The following TRIP11 variants were observed in gnomAD, a reference collection of about 807,000 sequenced individuals.
TRIP11 encodes thyroid receptor-interacting protein 11.
In TRIP11, 148 loss-of-function variants were observed where a neutral mutation model predicts 223.1. That is an observed-to-expected ratio of 0.66 (90% CI 0.58 to 0.76). The LOEUF is 0.76. TRIP11 is among the 30% of genes least tolerant of loss of function. The pLI is 0.00. For missense variants in TRIP11, 2,043 were observed against 2,222.0 expected (o/e 0.92, Z 1.62); for synonymous variants, 762 against 772.6 (o/e 0.99, Z 0.23).
chr14:91,972,892 TAG>T (rs1275292822), intron 19 of TRIP11, 31 bp from the exon 20 acceptor site: 24 of 1,566,156 alleles, frequency 1.5e-5, no homozygotes, highest in Non-Finnish European at 2.0e-5. Context: ...TATATTAGGC[TAG>T]ATAATTAAGT....
At chr14:92,030,394 T>C (rs889222464) in intron 2 of TRIP11, 30 of 151,976 alleles carry the variant, frequency 2.0e-4, no homozygotes, top group Admixed American at 2.0e-3. Flanking sequence ...TTTATTTTTA[T>C]TTTTTATTTT....
At chr14:91,993,068 A>C (rs1447765295) in intron 15 of TRIP11, among the ~76,000 whole-genome samples, 1 of 151,596 alleles carries the variant, frequency 6.6e-6, no homozygotes, top group African/African-American at 2.4e-5. Flanking sequence ...ATAGAAAAAT[A>C]TTTTAAAGGA....
chr14:92,021,558 G>C lies in TRIP11; in HGVS notation c.586C>G (p.Gln196Glu), dbSNP rs149079426. 1.2e-6 allele frequency: 2 copies of C among 1,613,952 alleles called. No individual in the cohort carries two copies. Among genetic ancestry groups the C allele is most frequent in the Non-Finnish European group, 1.7e-6 (2 of 1,180,010 alleles). Residue 196 changes from glutamine (Q) to glutamate (E), a missense_variant and splice_region_variant, in exon 4 of 21, where the codon CAG becomes GAG. Coordinates refer to ENST00000267622, the MANE Select transcript of TRIP11 (RefSeq NM_004239.4). ...SEVGHWRHIA[Q>E]TSKAQGTDNS... is the part of the protein sequence containing the mutation. ...AACTCTAAAAAATTTTTATCTACCTGAGCAATATGCCTCCAATGGCCAACT... is the reference window on the plus strand; with the variant it reads ...AACTCTAAAAAATTTTTATCTACCTCAGCAATATGCCTCCAATGGCCAACT...
chr14:91,988,222 A>C (rs1228557456), intron 16 of TRIP11, 62 bp downstream of exon 16: 1 of 1,325,356 alleles, frequency 7.5e-7, no homozygotes, highest in Admixed American at 1.9e-5. Flanking sequence ...TTATGACAGA[A>C]GACTACATTT....
chr14:92,007,633 G>T lies in TRIP11; in HGVS notation c.1527+7C>A, dbSNP rs372704269. Reference sequence around the variant, plus strand: ...GTGCTGCCTTACTGTATTTAATACAGTGTTACCTTTGTAGCTTCTTGATTC... The same window carrying T: ...GTGCTGCCTTACTGTATTTAATACATTGTTACCTTTGTAGCTTCTTGATTC... On this transcript the variant is annotated splice_region_variant and intron_variant, in intron 10 of 20. Transcript: ENST00000267622. 2.5e-6 allele frequency: 4 copies of T among 1,612,804 alleles called. No individual in the cohort carries two copies. The highest frequency in any genetic ancestry group is 3.4e-6 in the Non-Finnish European group (4 of 1,179,666).
intron 10 of TRIP11, among the ~76,000 whole-genome samples, chr14:92,007,408 A>G (rs1009524058): frequency 1.3e-5 from 2 of 152,220 alleles, no homozygotes; most frequent in Admixed American, 6.5e-5. Flanking sequence ...CTGTTTTGTA[A>G]ATAAAATTTT....
Position 92,031,109 on chromosome 14 carries a change from AT to A in TRIP11, c.201+2082del, listed in dbSNP as rs528235912. Among the ~76,000 whole-genome samples, 532 of 151,930 alleles carry A rather than the reference AT, an allele frequency of 3.5e-3. 5 individuals carry two copies. Among genetic ancestry groups the A allele is most frequent in the Non-Finnish European group, 2.8e-3 (189 of 67,940 alleles). The stretch of plus-strand genomic sequence containing the variant: ...TACAAAAAATTTTATTTATTTATTT[AT>A]TTTTTTATTTACTTACTTACTTACT... On this transcript the variant is annotated intron_variant, in intron 2 of 20. Coordinates refer to ENST00000267622, the MANE Select transcript of TRIP11 (RefSeq NM_004239.4).
chr14:92,005,276 T>G lies in TRIP11; in HGVS notation c.2700A>C (p.Gln900His). The G allele has an allele frequency of 3.1e-6, 5 of 1,614,128 alleles. No individual in the cohort carries two copies. The highest frequency in any genetic ancestry group is 4.2e-6 in the Non-Finnish European group (5 of 1,180,006). ...SVTELASEVS[Q>H]LNTIKEHLEE... is the part of the protein sequence containing the mutation. ...CAAGATGTTCCTTGATCGTGTTCAG[T>G]TGAGATACCTCAGATGCTAGTTCAG... Residue 900 changes from glutamine (Q) to histidine (H), a missense_variant, in exon 11 of 21, where the codon CAA becomes CAC. Gln to His is a conservative substitution (Grantham distance 24, BLOSUM62 0). Transcript: ENST00000267622.
intron 16 of TRIP11, among the ~76,000 whole-genome samples, chr14:91,982,479 G>C (rs1201724117): frequency 1.3e-5 from 2 of 152,170 alleles, no homozygotes; most frequent in South Asian, 2.1e-4. Context: ...GGGAGAGGGG[G>C]AGAAGGGCTG....
At chr14:91,981,012 A>ATTTTTTTTT (rs564098716) in intron 16 of TRIP11, among the ~76,000 whole-genome samples, 17 of 49,928 alleles carry the variant, frequency 3.4e-4, no homozygotes, top group African/African-American at 7.4e-4. Context: ...ATATATATAT[A>ATTTTTTTTT]TTTTTTTTTT....
At chr14:91,982,270 G>C (rs1380954824) in intron 16 of TRIP11, among the ~76,000 whole-genome samples, 1 of 152,040 alleles carries the variant, frequency 6.6e-6, no homozygotes, top group East Asian at 1.9e-4. Flanking sequence ...TCTCCATATT[G>C]AAACAGAACT....
At chr14:91,991,587 A>G (rs1006045674) in intron 15 of TRIP11, among the ~76,000 whole-genome samples, 5 of 152,208 alleles carry the variant, frequency 3.3e-5, no homozygotes, top group African/African-American at 7.2e-5. Context: ...TATATGTCCT[A>G]TAACTCAGCA....
intron 16 of TRIP11, among the ~76,000 whole-genome samples, chr14:91,983,024 C>T (rs964185731): frequency 6.6e-6 from 1 of 152,198 alleles, no homozygotes; most frequent in Non-Finnish European, 1.5e-5. Context: ...GAATTCCTCC[C>T]TCTGTCTAGA....
At chr14:91,998,947 A>G (rs1205230457) in intron 13 of TRIP11, among the ~76,000 whole-genome samples, 1 of 152,180 alleles carries the variant, frequency 6.6e-6, no homozygotes, top group Non-Finnish European at 1.5e-5. Context: ...ATCAGTCAGA[A>G]TTTCAAACTA....
In TRIP11 at chr14:91,972,886, T is replaced by G. The variant is rs1267253347; in HGVS notation, c.5575-25A>C. Reference sequence around the variant, plus strand: ...ACTAAGAAAAAATATTTTGGTTATATTAGGCTAGATAATTAAGTTATATTC... The same window carrying G: ...ACTAAGAAAAAATATTTTGGTTATAGTAGGCTAGATAATTAAGTTATATTC... On this transcript the variant is annotated intron_variant, in intron 19 of 20. Coordinates refer to ENST00000267622, the MANE Select transcript of TRIP11 (RefSeq NM_004239.4). The G allele has an allele frequency of 7.6e-6, 12 of 1,576,110 alleles. No homozygotes were observed. In the Admixed American group the frequency reaches 1.7e-4, roughly 22 times the overall value.
rs2056366220 is a variant in TRIP11, at chr14:91,968,818, A to T, written c.*855T>A. On this transcript the variant is annotated 3_prime_UTR_variant, in exon 21 of 21. Transcript: ENST00000267622. Reference sequence around the variant, plus strand: ...TTCTCAAAATAACAAAATGACTGAGATGGAGAACAGTAAGTGGTTGTCAGG... The same window carrying T: ...TTCTCAAAATAACAAAATGACTGAGTTGGAGAACAGTAAGTGGTTGTCAGG... 4.3e-6 allele frequency: 1 copy of T among 232,684 alleles called. No homozygotes were observed. Among genetic ancestry groups the T allele is most frequent in the South Asian group, 1.8e-4 (1 of 5,518 alleles). 14.4% of individuals were successfully genotyped at this position (232,684 alleles called of 1,614,324 possible). A position where few individuals can be genotyped will look rare whatever the true frequency, so the allele number is the denominator to read the frequency against.
rs7158303 is a variant in TRIP11, at chr14:92,015,910, T to C, written c.658-49A>G. On this transcript the variant is annotated intron_variant, in intron 5 of 20. Coordinates refer to ENST00000267622, the MANE Select transcript of TRIP11 (RefSeq NM_004239.4). ...TTCACATTTATAATCAATAAATTTA[T>C]GTAAGCTATATATTTAACTGTTGTC... 19,124 of 1,489,830 alleles carry C rather than the reference T, an allele frequency of 0.013. 1,220 individuals carry two copies. The African/African-American group carries it at 0.17, about 13-fold the overall frequency. 92.3% of individuals were successfully genotyped at this position (1,489,830 alleles called of 1,614,324 possible).
intron 16 of TRIP11, among the ~76,000 whole-genome samples, chr14:91,977,612 CTTTT>C (rs375940706): frequency 2.1e-5 from 3 of 144,356 alleles, no homozygotes; most frequent in Admixed American, 6.9e-5. Flanking sequence ...TCATTCTTTT[CTTTT>C]TTTTTTTTTC....
chr14:92,003,421 G>A lies in TRIP11; in HGVS notation c.4555C>T (p.Gln1519Ter). The A allele has an allele frequency of 6.2e-7, 1 of 1,612,912 alleles. No homozygotes were observed. Among genetic ancestry groups the A allele is most frequent in the Non-Finnish European group, 8.5e-7 (1 of 1,179,998 alleles). ...ACAATACTCCATCCAGAACACACCT[G>A]TTCTTTCTCTTTCAATAGCTGTTCA... ...AFEQLLKEKE[Q>*]GKTGELNQLL... The change falls in exon 11 of 21, where the codon CAG (glutamine) becomes TAG (stop). Residue 1519 changes from glutamine to a stop codon, truncating the protein, a stop_gained and splice_region_variant. Transcript: ENST00000267622. LOFTEE classifies it high-confidence loss of function.
Sources: allele counts gnomAD v4.1 joint callset (sites outside exome capture counted in the v4.1 genomes callset), GRCh38; gene constraint gnomAD v4.1.1; transcripts MANE v1.5; gene names NCBI Gene and HGNC (gene_info 2026-07-23, HGNC 2026-07-21).